The following MMAB variants were observed in gnomAD, a reference collection of about 807,000 sequenced individuals.
MMAB encodes metabolism of cobalamin associated B.
MMAB carries 17 observed loss-of-function variants against 30.6 expected under a neutral mutation model. The ratio of observed to expected loss-of-function variants is 0.56; its 90% CI spans 0.38 to 0.83. The LOEUF (loss-of-function observed/expected upper bound fraction) is 0.83, where lower values mean the gene tolerates loss of function less well. Among genes scored for constraint, MMAB ranks in the 40% least tolerant of loss-of-function variants. The pLI, the probability that MMAB is intolerant of heterozygous loss-of-function variation, is 0.00. For synonymous variants in MMAB, 134 were observed against 138.6 expected (o/e 0.97, Z 0.23); for missense variants, 311 against 331.6 (o/e 0.94, Z 0.48).
Position 109,558,140 on chromosome 12 carries a change from G to A in MMAB, c.644+956C>T, listed in dbSNP as rs570079421. On this transcript the variant is annotated intron_variant, in intron 8 of 8. Transcript: ENST00000545712. The surrounding 1 kb of genome is among the most constrained non-coding windows in gnomAD (Gnocchi z 4.3). ...CCCACGGCTGGCTCTCAGGAAGAGC[G>A]AAGGGGAGGTTGTTCAGGGTATTTT... 1.3e-5 allele frequency among the ~76,000 whole-genome samples: 2 copies of A among 152,274 alleles called. No homozygotes were observed. The highest frequency in any genetic ancestry group is 1.9e-4 in the East Asian group (1 of 5,170).
At position 109,558,977 on chromosome 12, in the gene MMAB, A is replaced by C; in HGVS notation, c.644+119T>G. The C allele has an allele frequency of 2.7e-6, 2 of 747,514 alleles. No homozygotes were observed. The highest frequency in any genetic ancestry group is 4.8e-6 in the Non-Finnish European group (2 of 419,914). 46.3% of individuals were successfully genotyped at this position (747,514 alleles called of 1,614,324 possible). On this transcript the variant is annotated intron_variant, in intron 8 of 8. Transcript: ENST00000545712. This position sits in a 1 kb window ranked among gnomAD's most constrained non-coding sequence, Gnocchi z 4.3. ...GCAGATGTTCATAAACACTAAGGGA[A>C]TGAAGGAGGGGGTGCGGGAATGCTG...
chr12:109,572,005 G>A (rs1836055650), intron 1 of MMAB, among the ~76,000 whole-genome samples: 1 of 152,114 alleles, frequency 6.6e-6, no homozygotes. Context: ...CTTTGCCATT[G>A]TCCCTGCACT....
In MMAB at chr12:109,561,122, C is replaced by T. The variant is rs1255067414; in HGVS notation, c.520-18G>A. The T allele has an allele frequency of 6.7e-5, 107 of 1,608,348 alleles. No homozygotes were observed. The highest frequency in any genetic ancestry group is 8.9e-5 in the Non-Finnish European group (105 of 1,179,966). ...CCTCCCGACTGAAAGGAGAAAGGGA[C>T]ATTGCCTGAGCAGGGTGGGAAAGGT... is the stretch of plus-strand genomic sequence containing the variant. On this transcript the variant is annotated intron_variant, in intron 6 of 8. Coordinates refer to ENST00000545712, the MANE Select transcript of MMAB (RefSeq NM_052845.4). This position sits in a 1 kb window ranked among gnomAD's most constrained non-coding sequence, Gnocchi z 5.3.
chr12:109,555,908 G>A lies in MMAB; in HGVS notation c.*1120C>T, dbSNP rs1592993356. The A allele has an allele frequency of 2.2e-6, 1 of 454,146 alleles. No individual in the cohort carries two copies. Among genetic ancestry groups the A allele is most frequent in the African/African-American group, 2.0e-5 (1 of 50,150 alleles). 28.1% of individuals were successfully genotyped at this position (454,146 alleles called of 1,614,324 possible). On this transcript the variant is annotated 3_prime_UTR_variant, in exon 9 of 9. Coordinates refer to ENST00000545712, the MANE Select transcript of MMAB (RefSeq NM_052845.4). ...GACCAGCTGTCCCGAGCCTAGCGCG[G>A]TGGCCCATGCTAAGCAGCCACTCAG...
At chr12:109,560,971 CTCCCT>C in intron 7 of MMAB, 64 bp downstream of exon 7, 18 of 560,914 alleles carry the variant, frequency 3.2e-5, no homozygotes, top group South Asian at 4.5e-5. Context: ...TCCTCTCCCT[CTCCCT>C]CCCCCCTCCC....
intron 7 of MMAB, among the ~76,000 whole-genome samples, chr12:109,559,514 G>T (rs1035146530): frequency 1.3e-5 from 2 of 152,220 alleles, no homozygotes; most frequent in Non-Finnish European, 2.9e-5. Context: ...GGAAGTGGGG[G>T]CCTGACCCTT....
In MMAB at chr12:109,554,773, G is replaced by A. The variant is rs776057582; in HGVS notation, c.*2255C>T. On this transcript the variant is annotated 3_prime_UTR_variant, in exon 9 of 9. Transcript: ENST00000545712. ...GCCTCGGGCTCTTGATAGAGCTTTT[G>A]AAAGGCACTGCAGAAGAGCAAATGT... The A allele has an allele frequency of 8.8e-6, 4 of 454,150 alleles. No homozygotes were observed. The highest frequency in any genetic ancestry group is 1.8e-5 in the Non-Finnish European group (4 of 226,806). 28.1% of individuals were successfully genotyped at this position (454,150 alleles called of 1,614,324 possible).
chr12:109,567,019 G>T, intron 3 of MMAB: 1 of 455,978 alleles, frequency 2.2e-6, no homozygotes. Flanking sequence ...ACCTAGTCAG[G>T]CCCGCCATGG....
At chr12:109,560,489 G>C (rs1403686451) in intron 7 of MMAB, among the ~76,000 whole-genome samples, 1 of 150,798 alleles carries the variant, frequency 6.6e-6, no homozygotes, top group African/African-American at 2.4e-5. Flanking sequence ...GGTGTAGATA[G>C]AGACTTTGCT....
In MMAB at chr12:109,554,609, G is replaced by C. The variant is rs1404845132; in HGVS notation, c.*2419C>G. On this transcript the variant is annotated 3_prime_UTR_variant, in exon 9 of 9. Transcript: ENST00000545712. ...GACTGATTGTTTCTGAGAGTTGCCA[G>C]TGGTGTGCAAACACTGGGGCAGCGG... 1 of 454,046 alleles carries C rather than the reference G, an allele frequency of 2.2e-6. No individual in the cohort carries two copies. The highest frequency in any genetic ancestry group is 4.4e-6 in the Non-Finnish European group (1 of 226,816). 28.1% of individuals were successfully genotyped at this position (454,046 alleles called of 1,614,324 possible). A position where few individuals can be genotyped will look rare whatever the true frequency, so the allele number is the denominator to read the frequency against.
chr12:109,564,628 G>A (rs536119135), intron 4 of MMAB, among the ~76,000 whole-genome samples: 233 of 151,476 alleles, frequency 1.5e-3, no homozygotes, highest in African/African-American at 5.6e-3. Flanking sequence ...CTGGCTTGAA[G>A]TGATGCTCCC....
chr12:109,568,778 T>C lies in MMAB; in HGVS notation c.282A>G (p.Ser94=), dbSNP rs1593004328. ...EAVGTTDELS[S]AIGFALELVT... is the part of the protein sequence containing the mutation. ...AATCCTGTCCCCCTTACCCAATAGC[T>C]GAACTTAATTCATCTGTAGTTCCCA... The change falls in exon 3 of 9, where the codon TCA becomes TCG. Residue 94 remains serine (S), a synonymous_variant. Transcript: ENST00000545712. 6.2e-7 allele frequency: 1 copy of C among 1,613,616 alleles called. No homozygotes were observed. The highest frequency in any genetic ancestry group is 8.5e-7 in the Non-Finnish European group (1 of 1,179,436).
At chr12:109,573,138 C>T in intron 1 of MMAB, 1 of 653,568 alleles carries the variant, frequency 1.5e-6, no homozygotes. Context: ...CTGCCCTGCC[C>T]GATGATAGCG....
chr12:109,567,607 GAATA>G (rs939744557), intron 3 of MMAB, among the ~76,000 whole-genome samples: 2 of 152,160 alleles, frequency 1.3e-5, no homozygotes, highest in African/African-American at 4.8e-5. Flanking sequence ...GCTGAAATGT[GAATA>G]AATGGAAGGC....
Position 109,554,473 on chromosome 12 carries a change from A to G in MMAB, c.*2555T>C, listed in dbSNP as rs1360990445. 2 of 454,032 alleles carry G rather than the reference A, an allele frequency of 4.4e-6. No individual in the cohort carries two copies. The highest frequency in any genetic ancestry group is 6.8e-4 in the Middle Eastern group (1 of 1,466). The allele number at this position is 454,032 out of a possible 1,614,324, so 28.1% of individuals were successfully genotyped here. The stretch of plus-strand genomic sequence containing the variant: ...CAGGGATCGAGTAGTATTTGTGTGC[A>G]ATATTTTCCAAAATCAAATTATGAA... On this transcript the variant is annotated 3_prime_UTR_variant, in exon 9 of 9. Transcript: ENST00000545712.
At chr12:109,568,493 A>C (rs962554029) in intron 3 of MMAB, 1 of 569,552 alleles carries the variant, frequency 1.8e-6, no homozygotes, top group Non-Finnish European at 3.1e-6. Context: ...TCAGTGGCAC[A>C]CACAGGCTCA....
At position 109,561,926 on chromosome 12, in the gene MMAB, A is replaced by C; in HGVS notation, c.349-74T>G. ...GACAGAGACAATGTGCAGAGGCGCC[A>C]CCTAATACGCCGGCAAAGCCTGTGC... On this transcript the variant is annotated intron_variant, in intron 4 of 8. Coordinates refer to ENST00000545712, the MANE Select transcript of MMAB (RefSeq NM_052845.4). This position sits in a 1 kb window ranked among gnomAD's most constrained non-coding sequence, Gnocchi z 5.3. The C allele has an allele frequency of 1.5e-5, 21 of 1,359,464 alleles. No individual in the cohort carries two copies. The highest frequency in any genetic ancestry group is 2.2e-5 in the Non-Finnish European group (21 of 973,086). 84.2% of individuals were successfully genotyped at this position (1,359,464 alleles called of 1,614,324 possible).
At position 109,555,961 on chromosome 12, in the gene MMAB, G is replaced by A. The variant is rs143292900; in HGVS notation, c.*1067C>T. Reference sequence around the variant, plus strand: ...AATATGTGATGGCTGAATGGAGTTCGCCAGGCATTTCAGCCCTGAAACTGG... The same window carrying A: ...AATATGTGATGGCTGAATGGAGTTCACCAGGCATTTCAGCCCTGAAACTGG... On this transcript the variant is annotated 3_prime_UTR_variant, in exon 9 of 9. Coordinates refer to ENST00000545712, the MANE Select transcript of MMAB (RefSeq NM_052845.4). 1,029 of 453,942 alleles carry A rather than the reference G, an allele frequency of 2.3e-3. 3 individuals carry two copies. The highest frequency in any genetic ancestry group is 3.4e-3 in the Non-Finnish European group (762 of 226,646). The allele number at this position is 453,942 out of a possible 1,614,324, so 28.1% of individuals were successfully genotyped here.
intron 2 of MMAB, among the ~76,000 whole-genome samples, chr12:109,570,539 C>G (rs910697127): frequency 6.6e-6 from 1 of 152,110 alleles, no homozygotes; most frequent in African/African-American, 2.4e-5. Context: ...AAAAACAATA[C>G]ATACTAGTGG....
Sources: gnomAD v4.1 joint callset for allele counts (sites outside exome capture counted in the v4.1 genomes callset) on GRCh38, gnomAD v4.1.1 for gene constraint, Gnocchi (gnomAD v3.1) non-coding constraint, MANE v1.5 for transcripts, NCBI Gene and HGNC (gene_info 2026-07-23, HGNC 2026-07-21) for gene names.